The following USP33 variants were observed in gnomAD, a reference collection of about 807,000 sequenced individuals.
The protein encoded by USP33 is ubiquitin carboxyl-terminal hydrolase 33.
USP33 carries 46 observed loss-of-function variants against 124.2 expected under a neutral mutation model. The ratio of observed to expected loss-of-function variants is 0.37; its 90% confidence interval spans 0.29 to 0.47. The LOEUF is 0.47. Ranked by LOEUF, USP33 falls within the 20% of genes least tolerant of loss-of-function variation. The probability of loss-of-function intolerance (pLI) is 0.99; values close to 1 mark genes in which losing one functional copy is unlikely to be tolerated. For missense variants in USP33, 851 were observed against 1,070.6 expected (o/e 0.79, Z 2.86); for synonymous variants, 350 against 352.3 (o/e 0.99, Z 0.07).
intron 7 of USP33, among the ~76,000 whole-genome samples, chr1:77,733,282 T>C (rs960175542): frequency 6.6e-6 from 1 of 151,822 alleles, no homozygotes. Flanking sequence ...TAGTCTCAGC[T>C]ACTCAGGAGG....
intron 21 of USP33, among the ~76,000 whole-genome samples, chr1:77,709,694 A>G (rs925188888): frequency 6.6e-6 from 1 of 151,490 alleles, no homozygotes; most frequent in African/African-American, 2.4e-5. Context: ...GCTAGGTATG[A>G]TCAATCCTAC....
At chr1:77,720,525 G>C (rs1676459774) in intron 15 of USP33, 9 of 985,224 alleles carry the variant, frequency 9.1e-6, no homozygotes, top group African/African-American at 3.5e-5. Context: ...GTTTCCTTTA[G>C]GTTACTGCCA....
intron 1 of USP33, among the ~76,000 whole-genome samples, chr1:77,749,101 A>G (rs1175988491): frequency 6.6e-6 from 1 of 152,216 alleles, no homozygotes; most frequent in African/African-American, 2.4e-5. Context: ...AATAACTTTG[A>G]CAGTATAGCA....
At chr1:77,747,593 C>A (rs1046700104) in intron 1 of USP33, among the ~76,000 whole-genome samples, 2 of 152,142 alleles carry the variant, frequency 1.3e-5, no homozygotes, top group Admixed American at 1.3e-4. Flanking sequence ...ATATGTCTGT[C>A]TTAATGCCAA....
At chr1:77,740,774 G>A in intron 4 of USP33, 103 bp downstream of exon 4, 1 of 800,418 alleles carries the variant, frequency 1.2e-6, no homozygotes. Flanking sequence ...AACTTAGAGT[G>A]CAAATTTGAA....
chr1:77,755,152 C>T (rs953799827), intron 1 of USP33, among the ~76,000 whole-genome samples: 3 of 151,848 alleles, frequency 2.0e-5, no homozygotes, highest in Non-Finnish European at 2.9e-5. Flanking sequence ...ACTGGCATTA[C>T]GGAACAGTCA....
intron 19 of USP33, among the ~76,000 whole-genome samples, chr1:77,714,323 T>A (rs578028059): frequency 6.6e-6 from 1 of 152,308 alleles, no homozygotes; most frequent in South Asian, 2.1e-4. Context: ...TACTCTACTA[T>A]GAAATTAGAG....
At chr1:77,724,042 G>A (rs987221163) in intron 11 of USP33, among the ~76,000 whole-genome samples, 5 of 151,706 alleles carry the variant, frequency 3.3e-5, no homozygotes, top group African/African-American at 1.2e-4. Flanking sequence ...TTCTAAATTA[G>A]CACAAAACCA....
intron 8 of USP33, 92 bp from the exon 9 acceptor site, chr1:77,730,030 A>C: frequency 8.5e-7 from 1 of 1,181,086 alleles, no homozygotes; most frequent in Non-Finnish European, 1.2e-6. Flanking sequence ...TGTTAAATAA[A>C]TTGAAAAGTA....
At chr1:77,752,817 C>A (rs1484483490) in intron 1 of USP33, among the ~76,000 whole-genome samples, 1 of 152,026 alleles carries the variant, frequency 6.6e-6, no homozygotes, top group Non-Finnish European at 1.5e-5. Flanking sequence ...GTGGCTCACA[C>A]CTGTAATCCC....
intron 18 of USP33, 117 bp from the exon 19 acceptor site, chr1:77,714,900 G>A: frequency 9.7e-7 from 1 of 1,028,014 alleles, no homozygotes; most frequent in Non-Finnish European, 1.4e-6. Context: ...TTAGGTCTTG[G>A]GAATTTCAAG....
intron 1 of USP33, among the ~76,000 whole-genome samples, chr1:77,750,660 GAAA>G (rs1557872760): frequency 1.3e-5 from 2 of 149,172 alleles, no homozygotes; most frequent in Non-Finnish European, 3.0e-5. Context: ...AAGAAAGAAA[GAAA>G]GAAAGAAAGA....
chr1:77,751,234 T>C (rs1172306405), intron 1 of USP33, among the ~76,000 whole-genome samples: 1 of 152,132 alleles, frequency 6.6e-6, no homozygotes, highest in Admixed American at 6.6e-5. Flanking sequence ...TACTGGAAGT[T>C]TTCTCACCAA....
chr1:77,746,900 TATA>T (rs918279905), intron 1 of USP33, among the ~76,000 whole-genome samples: 2 of 152,162 alleles, frequency 1.3e-5, no homozygotes, highest in Admixed American at 1.3e-4. Context: ...AGAGCTATGT[TATA>T]ATATTTCACT....
chr1:77,749,768 AAAATTCTGCATTTGCCAAT>A (rs1680116283), intron 1 of USP33, among the ~76,000 whole-genome samples: 1 of 152,204 alleles, frequency 6.6e-6, no homozygotes, highest in Non-Finnish European at 1.5e-5. Flanking sequence ...CTCTAAAGTA[AAAATTCTGCATTTGCCAAT>A]GAAATGTAGA....
intron 1 of USP33, among the ~76,000 whole-genome samples, chr1:77,759,069 TTTCATCCAAACAAAGGCTGC>T (rs1392276712): frequency 6.6e-6 from 1 of 152,170 alleles, no homozygotes; most frequent in Non-Finnish European, 1.5e-5. Context: ...ACTATGGATC[TTTCATCCAAACAAAGGCTGC>T]AGATGGACAG....
chr1:77,730,484 C>T (rs1328088904), intron 8 of USP33, 134 bp downstream of exon 8: 5 of 557,130 alleles, frequency 9.0e-6, no homozygotes, highest in African/African-American at 3.9e-5. Flanking sequence ...ATGTAACATG[C>T]CTGAAACAAA....
intron 1 of USP33, among the ~76,000 whole-genome samples, chr1:77,751,695 CT>C (rs998803439): frequency 3.1e-4 from 46 of 146,992 alleles, no homozygotes; most frequent in Non-Finnish European, 3.0e-4. Flanking sequence ...AAGATATTAC[CT>C]TTTTTTTTTT....
intron 21 of USP33, among the ~76,000 whole-genome samples, chr1:77,708,098 C>T (rs1002699906): frequency 6.6e-6 from 1 of 152,144 alleles, no homozygotes; most frequent in African/African-American, 2.4e-5. Flanking sequence ...ATTGTTGCTA[C>T]TGTTGTTTGG....
Sources: allele counts gnomAD v4.1 joint callset (sites outside exome capture counted in the v4.1 genomes callset), GRCh38; gene constraint gnomAD v4.1.1; transcripts MANE v1.5; gene names NCBI Gene and HGNC (gene_info 2026-07-23, HGNC 2026-07-21).